Variants in B4GALNT3 observed in about 807,000 individuals in gnomAD.
The protein encoded by B4GALNT3 is beta-1,4-N-acetyl-galactosaminyltransferase 3.
A neutral mutation model predicts 120.2 loss-of-function variants in B4GALNT3; 86 were observed. The ratio of observed to expected loss-of-function variants is 0.72; its 90% CI spans 0.60 to 0.86. The LOEUF (loss-of-function observed/expected upper bound fraction) is 0.86, where lower values mean the gene tolerates loss of function less well. Ranked by LOEUF, B4GALNT3 falls within the 40% of genes least tolerant of loss-of-function variation. The pLI, the probability that B4GALNT3 is intolerant of heterozygous loss-of-function variation, is 0.00. For synonymous variants in B4GALNT3, 518 were observed against 510.4 expected, an observed-to-expected ratio of 1.01 and a Z score of -0.20; for missense variants, 1,167 against 1,298.9, an observed-to-expected ratio of 0.90 and a Z score of 1.56.
At chr12:467,484 G>A (rs1426250672) in intron 1 of B4GALNT3, among the ~76,000 whole-genome samples, 1 of 152,176 alleles carries the variant, frequency 6.6e-6, no homozygotes, top group East Asian at 1.9e-4. Context: ...GCTTGAACCT[G>A]GGAAGCAGAG....
chr12:495,039 TAAG>T (rs1201603933), intron 1 of B4GALNT3, among the ~76,000 whole-genome samples: 2 of 152,202 alleles, frequency 1.3e-5, no homozygotes, highest in African/African-American at 4.8e-5. Flanking sequence ...TATTAAATAA[TAAG>T]AATGTGTGGA....
Position 557,717 on chromosome 12 carries a change from G to C in B4GALNT3, c.2490G>C (p.Glu830Asp), listed in dbSNP as rs952895818. The C allele has an allele frequency of 1.2e-6, 2 of 1,604,144 alleles. No individual in the cohort carries two copies. Among genetic ancestry groups the C allele is most frequent in the South Asian group, 1.1e-5 (1 of 89,556 alleles). ...FNIVITDYSSEDMDVEMALKR... is the reference protein window; with the variant it reads ...FNIVITDYSSDDMDVEMALKR... ...TCGTCATCACTGACTATAGCAGTGA[G>C]GACATGGATGTTGAGATGGCACTGA... Residue 830 changes from glutamate (E) to aspartate (D), a missense_variant, in exon 16 of 20, where the codon GAG becomes GAC. By Grantham distance (45) the Glu-to-Asp change is conservative. Transcript: ENST00000266383.
chr12:536,665 T>A (rs1946863833), intron 3 of B4GALNT3, among the ~76,000 whole-genome samples: 1 of 152,102 alleles, frequency 6.6e-6, no homozygotes, highest in African/African-American at 2.4e-5. Flanking sequence ...TTCATGAAAA[T>A]TTTTCACTCC....
intron 1 of B4GALNT3, among the ~76,000 whole-genome samples, chr12:490,916 C>G (rs1324095973): frequency 1.3e-5 from 2 of 152,060 alleles, no homozygotes; most frequent in Non-Finnish European, 2.9e-5. Flanking sequence ...AGCCCCAGGC[C>G]CAGATGGGTC....
At chr12:547,859 G>C (rs905869071) in intron 7 of B4GALNT3, among the ~76,000 whole-genome samples, 165 bp from the exon 8 acceptor site, 1 of 152,180 alleles carries the variant, frequency 6.6e-6, no homozygotes, top group Admixed American at 6.5e-5. Context: ...CACACTGTTA[G>C]CAAGTGATAG....
At chr12:466,092 C>T (rs1483110212) in intron 1 of B4GALNT3, among the ~76,000 whole-genome samples, 5 of 151,198 alleles carry the variant, frequency 3.3e-5, no homozygotes, top group Non-Finnish European at 7.4e-5. Flanking sequence ...GTTGAGGTCC[C>T]ATTCCCCTGC....
In B4GALNT3 at chr12:460,558, C is replaced by A; in HGVS notation, c.169+13C>A. 1 of 1,431,552 alleles carries A rather than the reference C, an allele frequency of 7.0e-7. No homozygotes were observed. Among genetic ancestry groups the A allele is most frequent in the Non-Finnish European group, 9.3e-7 (1 of 1,080,922 alleles). The allele number at this position is 1,431,552 out of a possible 1,614,324, so 88.7% of individuals were successfully genotyped here. A position where few individuals can be genotyped will look rare whatever the true frequency, so the allele number is the denominator to read the frequency against. On this transcript the variant is annotated intron_variant, in intron 1 of 19. Coordinates refer to ENST00000266383, the MANE Select transcript of B4GALNT3 (RefSeq NM_173593.4). This position sits in a 1 kb window ranked among gnomAD's most constrained non-coding sequence, Gnocchi z 8.0. Reference sequence around the variant, plus strand: ...CCCCTGAACCGGAGTAAGTAGCACCCAGGGGAGGCGAAGGGCGCGGGGGTG... The same window carrying A: ...CCCCTGAACCGGAGTAAGTAGCACCAAGGGGAGGCGAAGGGCGCGGGGGTG...
chr12:504,709 C>CA (rs752136489), intron 1 of B4GALNT3, among the ~76,000 whole-genome samples: 3 of 151,930 alleles, frequency 2.0e-5, no homozygotes, highest in Non-Finnish European at 2.9e-5. Context: ...GAGATTCTGT[C>CA]AAAAAAACAA....
chr12:542,964 C>T (rs753944626), intron 3 of B4GALNT3: 2 of 243,046 alleles, frequency 8.2e-6, no homozygotes, highest in Non-Finnish European at 1.3e-5. Flanking sequence ...GTGGCGCTTT[C>T]CTCTCCTCAG....
chr12:500,885 T>TTTTTTTTG (rs1946435189), intron 1 of B4GALNT3, among the ~76,000 whole-genome samples: 1 of 145,428 alleles, frequency 6.9e-6, no homozygotes, highest in Non-Finnish European at 1.5e-5. Context: ...TTTTTTTTTT[T>TTTTTTTTG]GACACAGGGT....
At chr12:540,019 C>T (rs534296434) in intron 3 of B4GALNT3, among the ~76,000 whole-genome samples, 75 of 152,300 alleles carry the variant, frequency 4.9e-4, no homozygotes, top group Admixed American at 7.8e-4. Context: ...TGTGTTCCTC[C>T]GGGGGAGGCC....
At chr12:535,467 A>G (rs377153162) in intron 2 of B4GALNT3, among the ~76,000 whole-genome samples, 198 bp downstream of exon 2, 37 of 152,294 alleles carry the variant, frequency 2.4e-4, no homozygotes, top group African/African-American at 7.7e-4. Flanking sequence ...CAAAGCCAGT[A>G]AAAGGAAACT....
chr12:512,330 A>C (rs1440793275), intron 1 of B4GALNT3, among the ~76,000 whole-genome samples: 4 of 69,094 alleles, frequency 5.8e-5, no homozygotes, highest in East Asian at 5.0e-4. Context: ...TCCACCTTCC[A>C]CCTTCCTTCC....
At chr12:474,418 G>C (rs1946164461) in intron 1 of B4GALNT3, among the ~76,000 whole-genome samples, 1 of 152,150 alleles carries the variant, frequency 6.6e-6, no homozygotes, top group Non-Finnish European at 1.5e-5. Flanking sequence ...ATTTTTGTCT[G>C]TTTGTCTTCC....
intron 1 of B4GALNT3, among the ~76,000 whole-genome samples, chr12:503,488 G>C (rs1946463035): frequency 6.6e-6 from 1 of 152,176 alleles, no homozygotes; most frequent in East Asian, 1.9e-4. Context: ...CTGCATCTCA[G>C]ATTTCTGACC....
intron 1 of B4GALNT3, among the ~76,000 whole-genome samples, chr12:512,651 T>C (rs1946601005): frequency 7.2e-6 from 1 of 138,634 alleles, no homozygotes; most frequent in African/African-American, 2.8e-5. Flanking sequence ...ACCTTCCACC[T>C]TCCACCTTCT....
chr12:500,865 C>CTTTTGTTTTTTTTTTTTTTTTT (rs1946433352), intron 1 of B4GALNT3, among the ~76,000 whole-genome samples: 1 of 61,830 alleles, frequency 1.6e-5, no homozygotes, highest in African/African-American at 7.5e-5. Context: ...GGCTCCACTG[C>CTTTTGTTTTTTTTTTTTTTTTT]TTTTTTTTTT....
intron 3 of B4GALNT3, among the ~76,000 whole-genome samples, chr12:540,215 C>T (rs1469607489): frequency 2.0e-5 from 3 of 152,312 alleles, no homozygotes; most frequent in South Asian, 2.1e-4. Flanking sequence ...CTCTGAACCT[C>T]GTACCTCTGC....
At chr12:535,100 A>G in intron 1 of B4GALNT3, 66 bp from the exon 2 acceptor site, 1 of 1,376,044 alleles carries the variant, frequency 7.3e-7, no homozygotes, top group Non-Finnish European at 1.0e-6. Flanking sequence ...AACCTCCCAA[A>G]TCTTTTAGGT....
Sources: allele counts gnomAD v4.1 joint callset (sites outside exome capture counted in the v4.1 genomes callset), GRCh38; gene constraint gnomAD v4.1.1; non-coding constraint Gnocchi (gnomAD v3.1); transcripts MANE v1.5; gene names NCBI Gene and HGNC (gene_info 2026-07-23, HGNC 2026-07-21).